Variants in ACTN2 observed in about 807,000 individuals in gnomAD.
ACTN2 encodes the protein actinin alpha 2.
In ACTN2, 39 loss-of-function variants were observed where a neutral mutation model predicts 113.8. The ratio of observed to expected loss-of-function variants is 0.34; its 90% CI spans 0.27 to 0.45. ACTN2 has a LOEUF of 0.45. Among genes scored for constraint, ACTN2 ranks in the 20% least tolerant of loss-of-function variants. ACTN2 has a pLI of 1.00. For missense variants in ACTN2, 992 were observed against 1,177.9 expected (o/e 0.84, Z 2.31); for synonymous variants, 429 against 444.1 (o/e 0.97, Z 0.43).
rs1053884282 is a variant in ACTN2, at chr1:236,763,355, C to G, written c.*736C>G. 1 of 152,752 alleles carries G rather than the reference C, an allele frequency of 6.5e-6. No homozygotes were observed. 9.5% of individuals were successfully genotyped at this position (152,752 alleles called of 1,614,324 possible). ...AGTTTAATTGCCAGAGAGAAGGATG[C>G]AATCACTAGGTAAAATGAGGTTTTT... On this transcript the variant is annotated 3_prime_UTR_variant, in exon 21 of 21. Coordinates refer to ENST00000366578, the MANE Select transcript of ACTN2 (RefSeq NM_001103.4).
chr1:236,735,539 T>G, intron 7 of ACTN2, 96 bp from the exon 8 acceptor site: 1 of 1,146,452 alleles, frequency 8.7e-7, no homozygotes, highest in Non-Finnish European at 1.3e-6. Context: ...TAAACCAATT[T>G]GTTCTTCCCT....
At chr1:236,693,526 G>A (rs569523999) in intron 1 of ACTN2, among the ~76,000 whole-genome samples, 3 of 152,118 alleles carry the variant, frequency 2.0e-5, no homozygotes, top group Non-Finnish European at 2.9e-5. Flanking sequence ...CCCCTTCATG[G>A]TGAATGGAAA....
At chr1:236,715,852 T>A (rs1204454544) in intron 1 of ACTN2, among the ~76,000 whole-genome samples, 1 of 151,998 alleles carries the variant, frequency 6.6e-6, no homozygotes, top group Non-Finnish European at 1.5e-5. Flanking sequence ...GCTACTAGGG[T>A]GGTTGAGGCG....
chr1:236,727,674 G>A lies in ACTN2; in HGVS notation c.537-4G>A, dbSNP rs1282585643. ...TGTTCCTGTTCTTCTCGACGGCTGT[G>A]AAGCTGGAAAGATGGCCTTGGACTC... On this transcript the variant is annotated splice_polypyrimidine_tract_variant and splice_region_variant and intron_variant, in intron 5 of 20. Coordinates refer to ENST00000366578, the MANE Select transcript of ACTN2 (RefSeq NM_001103.4). The A allele has an allele frequency of 6.2e-6, 10 of 1,613,976 alleles. No homozygotes were observed. Among genetic ancestry groups the A allele is most frequent in the African/African-American group, 2.7e-5 (2 of 74,932 alleles).
chr1:236,746,520 AAC>A (rs1207765749), intron 12 of ACTN2, among the ~76,000 whole-genome samples: 2 of 151,904 alleles, frequency 1.3e-5, no homozygotes, highest in African/African-American at 4.8e-5. Context: ...CCAGCCTGGC[AAC>A]ACAGCAAGAC....
intron 15 of ACTN2, among the ~76,000 whole-genome samples, chr1:236,752,376 A>G (rs1572144184): frequency 6.6e-6 from 1 of 152,174 alleles, no homozygotes; most frequent in African/African-American, 2.4e-5. Context: ...AGGTATGAGG[A>G]AAAGGAAAGT....
At chr1:236,753,452 G>A (rs1659460677) in intron 15 of ACTN2, among the ~76,000 whole-genome samples, 2 of 152,086 alleles carry the variant, frequency 1.3e-5, no homozygotes, top group Admixed American at 1.3e-4. Flanking sequence ...GATTTATGCT[G>A]TGATAAGGTC....
At chr1:236,755,504 G>A (rs1659528156) in intron 17 of ACTN2, among the ~76,000 whole-genome samples, 1 of 152,178 alleles carries the variant, frequency 6.6e-6, no homozygotes, top group African/African-American at 2.4e-5. Flanking sequence ...GGCCCAAATT[G>A]ATCTCCCTGG....
At chr1:236,698,432 G>C (rs1044898219) in intron 1 of ACTN2, among the ~76,000 whole-genome samples, 2 of 152,218 alleles carry the variant, frequency 1.3e-5, no homozygotes, top group Non-Finnish European at 2.9e-5. Flanking sequence ...TCCACTTAGA[G>C]ATTATGTGTA....
chr1:236,723,411 G>A lies in ACTN2; in HGVS notation c.449-2522G>A, dbSNP rs369572688. On this transcript the variant is annotated intron_variant, in intron 4 of 20. Transcript: ENST00000366578. Reference sequence around the variant, plus strand: ...TTAGGGGTGTGTGTATTTTATCTGGGTTATGGGTCCAAGAAAGTATGAACT... The same window carrying A: ...TTAGGGGTGTGTGTATTTTATCTGGATTATGGGTCCAAGAAAGTATGAACT... Among the ~76,000 whole-genome samples, 11 of 152,244 alleles carry A rather than the reference G, an allele frequency of 7.2e-5. No homozygotes were observed. In the South Asian group the frequency reaches 2.3e-3, roughly 32 times the overall value.
At chr1:236,711,280 C>T (rs1049038816) in intron 1 of ACTN2, among the ~76,000 whole-genome samples, 2 of 152,226 alleles carry the variant, frequency 1.3e-5, no homozygotes, top group Non-Finnish European at 2.9e-5. Flanking sequence ...CTATAGAACA[C>T]TGTTGAACAC....
chr1:236,689,480 C>T (rs1666002607), intron 1 of ACTN2, among the ~76,000 whole-genome samples: 2 of 151,600 alleles, frequency 1.3e-5, no homozygotes, highest in Admixed American at 1.3e-4. Context: ...AAGTGACCTC[C>T]ATGACGTCAA....
intron 1 of ACTN2, among the ~76,000 whole-genome samples, chr1:236,716,327 C>T (rs1263921793): frequency 2.6e-5 from 4 of 152,078 alleles, no homozygotes; most frequent in Admixed American, 6.6e-5. Context: ...GTTTGATGTG[C>T]CAGGCACTTT....
At chr1:236,757,402 C>A in intron 17 of ACTN2, 84 bp from the exon 18 acceptor site, 3 of 1,552,338 alleles carry the variant, frequency 1.9e-6, no homozygotes, top group South Asian at 1.1e-5. Context: ...CCCTTTGAGT[C>A]GGCTGTACTG....
chr1:236,750,406 G>A (rs989966063), intron 14 of ACTN2, among the ~76,000 whole-genome samples: 3 of 152,092 alleles, frequency 2.0e-5, no homozygotes, highest in Non-Finnish European at 2.9e-5. Context: ...TGTTTCCTGC[G>A]TGCACTCTTA....
intron 7 of ACTN2, among the ~76,000 whole-genome samples, chr1:236,733,394 TC>T (rs577865093): frequency 2.0e-4 from 31 of 152,310 alleles, no homozygotes; most frequent in African/African-American, 7.2e-4. Flanking sequence ...CTTTGGTTTT[TC>T]CTTAGTCTCT....
At chr1:236,752,463 A>G (rs1247245997) in intron 15 of ACTN2, among the ~76,000 whole-genome samples, 1 of 138,534 alleles carries the variant, frequency 7.2e-6, no homozygotes, top group Non-Finnish European at 1.5e-5. Flanking sequence ...GAACACCCAA[A>G]GAGAGACAGG....
At chr1:236,745,157 G>A (rs540351593) in intron 12 of ACTN2, among the ~76,000 whole-genome samples, 1 of 152,148 alleles carries the variant, frequency 6.6e-6, no homozygotes, top group Non-Finnish European at 1.5e-5. Context: ...GGCACTGGCC[G>A]GGCGCGGTGG....
In ACTN2 at chr1:236,739,285, TTG is replaced by T. The variant is rs1382966844; in HGVS notation, c.877-13_877-12del. ...CTTGCTGGTGTCTTCAGCAGTATTTTTGTGTTTGCGGAGCAGCTTTTGGAATG... is the reference window on the plus strand; with the variant it reads ...CTTGCTGGTGTCTTCAGCAGTATTTTTGTTTGCGGAGCAGCTTTTGGAATG... On this transcript the variant is annotated splice_polypyrimidine_tract_variant and intron_variant, in intron 9 of 20. Coordinates refer to ENST00000366578, the MANE Select transcript of ACTN2 (RefSeq NM_001103.4). The T allele has an allele frequency of 1.2e-6, 2 of 1,613,748 alleles. No homozygotes were observed. The highest frequency in any genetic ancestry group is 1.7e-6 in the Non-Finnish European group (2 of 1,179,824).
Sources: allele counts gnomAD v4.1 joint callset (sites outside exome capture counted in the v4.1 genomes callset), GRCh38; gene constraint gnomAD v4.1.1; transcripts MANE v1.5; gene names NCBI Gene and HGNC (gene_info 2026-07-23, HGNC 2026-07-21).